MAST1: variants seen among roughly 807,000 people sequenced by gnomAD.
MAST1 encodes microtubule-associated serine/threonine-protein kinase 1.
In MAST1, 40 loss-of-function variants were observed where a neutral mutation model predicts 124.6. The observed-to-expected ratio is 0.32, with a 90% CI of 0.25 to 0.42. The LOEUF (loss-of-function observed/expected upper bound fraction) is 0.42, where lower values mean the gene tolerates loss of function less well. Ranked by LOEUF, MAST1 falls within the 10% of genes least tolerant of loss-of-function variation. The probability of loss-of-function intolerance (pLI) is 1.00; values close to 1 mark genes in which losing one functional copy is unlikely to be tolerated. For synonymous variants in MAST1, 938 were observed against 939.4 expected, an observed-to-expected ratio of 1.00 and a Z score of 0.03; for missense variants, 1,558 against 2,181.9, an observed-to-expected ratio of 0.71 and a Z score of 5.70.
intron 7 of MAST1, among the ~76,000 whole-genome samples, chr19:12,849,578 C>T (rs769289231): frequency 1.6e-4 from 24 of 151,942 alleles, no homozygotes; most frequent in Non-Finnish European, 2.2e-4. Context: ...GCAGGAGAAT[C>T]GCTTGAATCC....
chr19:12,873,462 G>A lies in MAST1; in HGVS notation c.3402G>A (p.Ala1134=), dbSNP rs142637282. ...GCTCGCCTACGCACGGGCTGCCGGC[G>A]CGCTCGCCCACGCACAGCTACCGCT... ...LPGSPTHGLP[A]RSPTHSYRST... The change falls in exon 25 of 26, where the codon GCG becomes GCA. Residue 1134 remains alanine, a synonymous_variant. Coordinates refer to ENST00000251472, the MANE Select transcript of MAST1 (RefSeq NM_014975.3). 1.2e-6 allele frequency: 2 copies of A among 1,610,486 alleles called. No individual in the cohort carries two copies. Among genetic ancestry groups the A allele is most frequent in the Non-Finnish European group, 1.7e-6 (2 of 1,179,700 alleles).
At position 12,869,273 on chromosome 19, in the gene MAST1, A is replaced by G. The variant is rs1970202319; in HGVS notation, c.2981A>G (p.Tyr994Cys). 1.9e-6 allele frequency: 3 copies of G among 1,613,694 alleles called. No homozygotes were observed. Among genetic ancestry groups the G allele is most frequent in the Non-Finnish European group, 2.5e-6 (3 of 1,179,848 alleles). Residue 994 changes from tyrosine (Y) to cysteine (C), a missense_variant, in exon 22 of 26, where the codon TAT becomes TGT. Physicochemically the swap from Tyr to Cys is radical, Grantham distance 194. Around this residue, in one of 10 missense-constraint regions of MAST1, gnomAD observed 291 missense variants for 475.8 expected, o/e 0.61. Coordinates refer to ENST00000251472, the MANE Select transcript of MAST1 (RefSeq NM_014975.3). Reference sequence around the variant, plus strand: ...GTCTACATGGGTGACACGGATGTCTATAGTGTCCACCACATTGTCTGGGTG... The same window carrying G: ...GTCTACATGGGTGACACGGATGTCTGTAGTGTCCACCACATTGTCTGGGTG... ...IRVYMGDTDV[Y>C]SVHHIVWHVE...
At chr19:12,848,882 T>C in intron 7 of MAST1, 1 of 151,906 alleles carries the variant, frequency 6.6e-6, no homozygotes, top group South Asian at 2.1e-4. Context: ...CGCTTGAACC[T>C]GGGAGTCGGA....
In MAST1 at chr19:12,852,031, G is replaced by T; in HGVS notation, c.872G>T (p.Cys291Phe). The change falls in exon 8 of 26, where the codon TGC becomes TTC. Residue 291 changes from cysteine (C) to phenylalanine (F), a missense_variant. Physicochemically the swap from Cys to Phe is radical, Grantham distance 205. Coordinates refer to ENST00000251472, the MANE Select transcript of MAST1 (RefSeq NM_014975.3). ...IISRPARLLE[C>F]LEFNPEEFYH... ...TCACGCCCTGCGAGGCTGCTGGAGT[G>T]CCTGGTGAGGGGGCTGGGCATGGGT... The T allele has an allele frequency of 6.2e-7, 1 of 1,614,084 alleles. No individual in the cohort carries two copies. Among genetic ancestry groups the T allele is most frequent in the Non-Finnish European group, 8.5e-7 (1 of 1,180,034 alleles).
rs769843579 is a variant in MAST1 at position 12,840,522 on chromosome 19, C to G, written c.160C>G (p.Pro54Ala). The part of the protein sequence containing the change: ...PTLPRPHSPL[P>A]GHLGSSPLDS... ...GCTACCGAGACCCCACTCCCCGCTG[C>G]CAGGTCACCTAGGTGAGGCCAGTGG... Residue 54 changes from proline to alanine, a missense_variant, in exon 2 of 26, where the codon CCA becomes GCA. By Grantham distance (27) the Pro-to-Ala change is conservative. Around this residue, in one of 10 missense-constraint regions of MAST1, gnomAD observed 57 missense variants for 35.3 expected, o/e 1.62. Coordinates refer to ENST00000251472, the MANE Select transcript of MAST1 (RefSeq NM_014975.3). 1.2e-6 allele frequency: 2 copies of G among 1,613,520 alleles called. No individual in the cohort carries two copies. The highest frequency in any genetic ancestry group is 2.2e-5 in the South Asian group (2 of 91,004).
Position 12,865,439 on chromosome 19 carries a change from T to C in MAST1, c.1762T>C (p.Phe588Leu). Residue 588 changes from phenylalanine to leucine, a missense_variant, in exon 15 of 26, where the codon TTC becomes CTC. Physicochemically the swap from Phe to Leu is conservative, Grantham distance 22 (BLOSUM62 0). Coordinates refer to ENST00000251472, the MANE Select transcript of MAST1 (RefSeq NM_014975.3). The surrounding 1 kb of genome is among the most constrained non-coding windows in gnomAD (Gnocchi z 7.1). ...GTTCCTGGTGGGCTGTGTGCCCTTC[T>C]TCGGAGACACACCAGAGGAGCTATT... Reference protein sequence around the residue: ...YEFLVGCVPFFGDTPEELFGQ... With the variant: ...YEFLVGCVPFLGDTPEELFGQ... 2 of 1,605,510 alleles carry C rather than the reference T, an allele frequency of 1.2e-6. No individual in the cohort carries two copies. The highest frequency in any genetic ancestry group is 1.1e-5 in the South Asian group (1 of 89,578).
At chr19:12,859,762 C>T (rs1169752065) in intron 12 of MAST1, among the ~76,000 whole-genome samples, 1 of 151,078 alleles carries the variant, frequency 6.6e-6, no homozygotes, top group Non-Finnish European at 1.5e-5. Flanking sequence ...CTGCTGCACT[C>T]CAGGCTAGGC....
rs1970279497 is a variant in MAST1 at position 12,874,163 on chromosome 19, T to C, written c.4006T>C (p.Ser1336Pro). ...VAVRRLGRQE[S>P]PLSLGADPLL... The stretch of plus-strand genomic sequence containing the variant: ...CGTCCGCCGCCTGGGCCGACAGGAG[T>C]CACCTTTGAGCCTGGGCGCGGACCC... The change falls in exon 26 of 26, where the codon TCA becomes CCA. Residue 1336 changes from serine (S) to proline (P), a missense_variant. By Grantham distance (74) the Ser-to-Pro change is moderately conservative. Around this residue, in one of 10 missense-constraint regions of MAST1, gnomAD observed 263 missense variants for 310.9 expected, o/e 0.85. Transcript: ENST00000251472. This position sits in a 1 kb window ranked among gnomAD's most constrained non-coding sequence, Gnocchi z 6.6. The C allele has an allele frequency of 4.5e-6, 7 of 1,540,982 alleles. No homozygotes were observed. Among genetic ancestry groups the C allele is most frequent in the Non-Finnish European group, 5.2e-6 (6 of 1,146,076 alleles).
intron 2 of MAST1, among the ~76,000 whole-genome samples, 171 bp downstream of exon 2, chr19:12,840,705 G>T (rs915787542): frequency 6.6e-6 from 1 of 151,908 alleles, no homozygotes; most frequent in Non-Finnish European, 1.5e-5. Flanking sequence ...GCAGAGGGAC[G>T]GTCATTGGGG....
intron 3 of MAST1, among the ~76,000 whole-genome samples, chr19:12,842,693 CT>C (rs1969846492): frequency 6.6e-6 from 1 of 152,180 alleles, no homozygotes; most frequent in African/African-American, 2.4e-5. Flanking sequence ...GTGTGTGCAT[CT>C]GCGTGCGAGT....
At position 12,874,612 on chromosome 19, in the gene MAST1, G is replaced by A; in HGVS notation, c.4455G>A (p.Val1485=). 6.6e-7 allele frequency: 1 copy of A among 1,512,648 alleles called. No homozygotes were observed. The highest frequency in any genetic ancestry group is 8.8e-7 in the Non-Finnish European group (1 of 1,131,078). 93.7% of individuals were successfully genotyped at this position (1,512,648 alleles called of 1,614,324 possible). Residue 1485 remains valine, a synonymous_variant, in exon 26 of 26, where the codon GTG becomes GTA. Coordinates refer to ENST00000251472, the MANE Select transcript of MAST1 (RefSeq NM_014975.3). This position sits in a 1 kb window ranked among gnomAD's most constrained non-coding sequence, Gnocchi z 6.6. ...RGRERWVLEV[V]EERTTLSGPR... is the part of the protein sequence containing the mutation. The stretch of plus-strand genomic sequence containing the variant: ...GGGAGCGCTGGGTGTTGGAGGTGGT[G>A]GAGGAGCGCACCACGCTGAGCGGTC...
chr19:12,868,086 T>A, intron 20 of MAST1, 109 bp downstream of exon 20: 2 of 1,087,870 alleles, frequency 1.8e-6, no homozygotes, highest in South Asian at 5.3e-5. Flanking sequence ...CAGGTCCTAT[T>A]CACATTGCAA....
At chr19:12,864,393 CAAA>C (rs35351874) in intron 12 of MAST1, among the ~76,000 whole-genome samples, 10 of 118,452 alleles carry the variant, frequency 8.4e-5, no homozygotes, top group African/African-American at 2.4e-4. Flanking sequence ...GACCCTGTCT[CAAA>C]AAAAAAAAAA....
At position 12,847,529 on chromosome 19, in the gene MAST1, A is replaced by G; in HGVS notation, c.488+79A>G. Reference sequence around the variant, plus strand: ...CTTAGAGAGACCCCTGTCCCCGCGAATAAAAGGGTTACATCTTGGGGCGGG... The same window carrying G: ...CTTAGAGAGACCCCTGTCCCCGCGAGTAAAAGGGTTACATCTTGGGGCGGG... On this transcript the variant is annotated intron_variant, in intron 5 of 25. Coordinates refer to ENST00000251472, the MANE Select transcript of MAST1 (RefSeq NM_014975.3). The surrounding 1 kb of genome is among the most constrained non-coding windows in gnomAD (Gnocchi z 5.5). The G allele has an allele frequency of 6.2e-7, 1 of 1,610,934 alleles. No individual in the cohort carries two copies. The highest frequency in any genetic ancestry group is 8.5e-7 in the Non-Finnish European group (1 of 1,178,022).
At chr19:12,853,438 C>T (rs1969986399) in intron 10 of MAST1, among the ~76,000 whole-genome samples, 1 of 151,752 alleles carries the variant, frequency 6.6e-6, no homozygotes, top group Non-Finnish European at 1.5e-5. Flanking sequence ...CCCCTGTAGT[C>T]CCAGCTACTC....
rs1045410887 is a variant in MAST1, at chr19:12,841,162, C to T, written c.248+96C>T. On this transcript the variant is annotated intron_variant, in intron 3 of 25. Coordinates refer to ENST00000251472, the MANE Select transcript of MAST1 (RefSeq NM_014975.3). This position sits in a 1 kb window ranked among gnomAD's most constrained non-coding sequence, Gnocchi z 4.3. ...TGTTCTCCTCCTAATTGCACCCGAG[C>T]TGGGGCCTGAGGGGACCAGCGAGTG... 8 of 704,956 alleles carry T rather than the reference C, an allele frequency of 1.1e-5. No homozygotes were observed. Among genetic ancestry groups the T allele is most frequent in the Non-Finnish European group, 1.8e-5 (7 of 388,244 alleles). 43.7% of individuals were successfully genotyped at this position (704,956 alleles called of 1,614,324 possible).
In MAST1 at chr19:12,865,020, C is replaced by G. The variant is rs1352476987; in HGVS notation, c.1506-26C>G. 19 of 1,613,546 alleles carry G rather than the reference C, an allele frequency of 1.2e-5. No individual in the cohort carries two copies. Among genetic ancestry groups the G allele is most frequent in the Non-Finnish European group, 1.5e-5 (18 of 1,179,676 alleles). On this transcript the variant is annotated intron_variant, in intron 13 of 25. Coordinates refer to ENST00000251472, the MANE Select transcript of MAST1 (RefSeq NM_014975.3). This position sits in a 1 kb window ranked among gnomAD's most constrained non-coding sequence, Gnocchi z 7.1. ...GGAGGCAGAATGGACGGGCCTCATC[C>G]CTGAGATCCCCACCTGTGCCTACAG... is the stretch of plus-strand genomic sequence containing the variant.
Position 12,874,151 on chromosome 19 carries a change from G to C in MAST1, c.3994G>C (p.Gly1332Arg). The change falls in exon 26 of 26, where the codon GGC becomes CGC. Residue 1332 changes from glycine to arginine, a missense_variant. Physicochemically the swap from Gly to Arg is moderately radical, Grantham distance 125. Coordinates refer to ENST00000251472, the MANE Select transcript of MAST1 (RefSeq NM_014975.3). This position sits in a 1 kb window ranked among gnomAD's most constrained non-coding sequence, Gnocchi z 6.6. ...APRQVAVRRL[G>R]RQESPLSLGA... ...CCGGCAGGTCGCCGTCCGCCGCCTG[G>C]GCCGACAGGAGTCACCTTTGAGCCT... 6.5e-7 allele frequency: 1 copy of C among 1,540,706 alleles called. No homozygotes were observed.
intron 20 of MAST1, 51 bp downstream of exon 20, chr19:12,868,028 G>C: frequency 6.7e-7 from 1 of 1,489,694 alleles, no homozygotes; most frequent in East Asian, 2.4e-5. Context: ...TGTCCTACTG[G>C]TCATATAGTG....
Sources: gnomAD v4.1 joint callset for allele counts (sites outside exome capture counted in the v4.1 genomes callset) on GRCh38, gnomAD v4.1.1 for gene constraint, gnomAD v4.1.1 regional missense constraint, Gnocchi (gnomAD v3.1) non-coding constraint, MANE v1.5 for transcripts, NCBI Gene and HGNC (gene_info 2026-07-23, HGNC 2026-07-21) for gene names.